The following RHCG variants were observed in gnomAD, a reference collection of about 807,000 sequenced individuals.
RHCG encodes Rh family C glycoprotein, also known as ammonium transporter Rh type C.
RHCG carries 39 observed loss-of-function variants against 55.3 expected under a neutral mutation model. That is an observed-to-expected ratio of 0.70 (90% CI 0.55 to 0.92). The LOEUF is 0.92. RHCG is among the 40% of genes least tolerant of loss of function. The pLI, the probability that RHCG is intolerant of heterozygous loss-of-function variation, is 0.00. For missense variants in RHCG, 635 were observed against 627.9 expected, an observed-to-expected ratio of 1.01 and a Z score of -0.12; for synonymous variants, 250 against 246.8, an observed-to-expected ratio of 1.01 and a Z score of -0.12.
Position 89,486,782 on chromosome 15 carries a change from G to T in RHCG, c.371+17C>A. On this transcript the variant is annotated intron_variant, in intron 2 of 10. Coordinates refer to ENST00000268122, the MANE Select transcript of RHCG (RefSeq NM_016321.3). ...CCTCCCAGTCCGCCACGCCCCCGGG[G>T]CCCGCCCTGCGCTCACTTCTCCACG... 6.4e-7 allele frequency: 1 copy of T among 1,573,328 alleles called. No homozygotes were observed. The highest frequency in any genetic ancestry group is 1.3e-5 in the African/African-American group (1 of 74,280).
In RHCG at chr15:89,477,181, C is replaced by T. The variant is rs770596441; in HGVS notation, c.1138G>A (p.Gly380Ser). The change falls in exon 8 of 11, where the codon GGT (glycine) becomes AGT (serine). Residue 380 changes from glycine to serine, a missense_variant. Coordinates refer to ENST00000268122, the MANE Select transcript of RHCG (RefSeq NM_016321.3). The surrounding 1 kb of genome is among the most constrained non-coding windows in gnomAD (Gnocchi z 4.5). ...CTTGCGGTCCAGTCCCCGTTGAAAC[C>T]TTGAAAGTCAAAGGAATGGACAAGC... ...EGLVHSFDFQ[G>S]FNGDWTARTQ... is the part of the protein sequence containing the mutation. 5.6e-6 allele frequency: 9 copies of T among 1,613,924 alleles called. No homozygotes were observed. The African/African-American group carries it at 1.1e-4, about 19-fold the overall frequency.
chr15:89,486,520 T>C (rs1186349686), intron 2 of RHCG: 1 of 506,778 alleles, frequency 2.0e-6, no homozygotes, highest in Non-Finnish European at 3.8e-6. Context: ...ACTCCCACCC[T>C]GGAGAATCGC....
chr15:89,480,313 C>G lies in RHCG; in HGVS notation c.618G>C (p.Gln206His), dbSNP rs1173272812. 9.3e-6 allele frequency: 15 copies of G among 1,614,228 alleles called. No individual in the cohort carries two copies. The highest frequency in any genetic ancestry group is 1.3e-5 in the Non-Finnish European group (15 of 1,180,038). Residue 206 changes from glutamine to histidine, a missense_variant, in exon 4 of 11, where the codon CAG becomes CAC. By Grantham distance (24) the Gln-to-His change is conservative (BLOSUM62 0). Transcript: ENST00000268122. ...TRILYRRNLE[Q>H]SKERQNSVYQ... ...ACACAGAATTCTGTCTCTCCTTGCT[C>G]TGCTCTAGGTTGCGTCGGTAGAGGA...
intron 9 of RHCG, among the ~76,000 whole-genome samples, chr15:89,473,095 T>A (rs1961070613): frequency 1.3e-5 from 2 of 152,132 alleles, no homozygotes; most frequent in African/African-American, 4.8e-5. Flanking sequence ...ACAGTGTCCT[T>A]GCCCCATGAG....
At chr15:89,489,464 T>G (rs952005253) in intron 1 of RHCG, among the ~76,000 whole-genome samples, 5 of 152,096 alleles carry the variant, frequency 3.3e-5, no homozygotes, top group Admixed American at 6.6e-5. Flanking sequence ...TTGAGCAACT[T>G]TTTGTAAATT....
Position 89,486,642 on chromosome 15 carries a change from G to GTA in RHCG, c.371+155_371+156dup, listed in dbSNP as rs1555462005. ...TGTGTGTGTGTGTGTGTGTGTGTGT[G>GTA]TATCTGTCTCGCAAGCCCAGTGTGG... On this transcript the variant is annotated intron_variant, in intron 2 of 10. Coordinates refer to ENST00000268122, the MANE Select transcript of RHCG (RefSeq NM_016321.3). 1,260 of 537,322 alleles carry GTA rather than the reference G, an allele frequency of 2.3e-3. 10 individuals carry two copies. Among genetic ancestry groups the GTA allele is most frequent in the African/African-American group, 8.2e-3 (415 of 50,350 alleles). The allele number at this position is 537,322 out of a possible 1,614,324, so 33.3% of individuals were successfully genotyped here.
At chr15:89,487,491 T>G (rs930142154) in intron 1 of RHCG, among the ~76,000 whole-genome samples, 1 of 152,136 alleles carries the variant, frequency 6.6e-6, no homozygotes, top group African/African-American at 2.4e-5. Flanking sequence ...GCAATCCTGT[T>G]CCTTTGCTGT....
chr15:89,496,532 T>A lies in RHCG; in HGVS notation c.13A>T (p.Thr5Ser). The A allele has an allele frequency of 6.2e-7, 1 of 1,612,464 alleles. No homozygotes were observed. Among genetic ancestry groups the A allele is most frequent in the Non-Finnish European group, 8.5e-7 (1 of 1,179,762 alleles). The change falls in exon 1 of 11, where the codon ACC becomes TCC. Residue 5 changes from threonine to serine, a missense_variant. Thr to Ser is a moderately conservative substitution (Grantham distance 58). Coordinates refer to ENST00000268122, the MANE Select transcript of RHCG (RefSeq NM_016321.3). The part of the protein sequence containing the change: MAWN[T>S]NLRWRLPLTC... Reference sequence around the variant, plus strand: ...AGCGGCAGCCGCCAGCGGAGGTTGGTGTTCCAGGCCATGCTGCAGGGGTGC... The same window carrying A: ...AGCGGCAGCCGCCAGCGGAGGTTGGAGTTCCAGGCCATGCTGCAGGGGTGC...
In RHCG at chr15:89,488,663, A is replaced by G. The variant is rs78896625; in HGVS notation, c.185-1678T>C. On this transcript the variant is annotated intron_variant, in intron 1 of 10. Transcript: ENST00000268122. ...GGGAAAGGCTGTATTCTTGAAAAGT[A>G]TCAGTCATAAAAGACCTTTGAAATG... Among the ~76,000 whole-genome samples the G allele has an allele frequency of 7.2e-3, 1,093 of 152,192 alleles. 19 individuals are homozygous for G. Among genetic ancestry groups the G allele is most frequent in the East Asian group, 0.042 (216 of 5,168 alleles).
intron 2 of RHCG, among the ~76,000 whole-genome samples, chr15:89,484,281 A>G (rs779012947): frequency 6.6e-6 from 1 of 152,162 alleles, no homozygotes; most frequent in Non-Finnish European, 1.5e-5. Context: ...TAAATGATCG[A>G]TGGCAGTTCC....
rs757244959 is a variant in RHCG at position 89,479,361 on chromosome 15, T to G, written c.798A>C (p.Ala266=). The change falls in exon 5 of 11, where the codon GCA becomes GCC. Residue 266 remains alanine (A), a synonymous_variant. Coordinates refer to ENST00000268122, the MANE Select transcript of RHCG (RefSeq NM_016321.3). ...CCTTCTTGTGCAGGGCACTGGATAT[T>G]GCCACCGAGGTAAGCACGCAGGCTG... ...SLAACVLTSV[A]ISSALHKKGK... is the part of the protein sequence containing the mutation. The G allele has an allele frequency of 6.2e-7, 1 of 1,614,162 alleles. No individual in the cohort carries two copies. Among genetic ancestry groups the G allele is most frequent in the South Asian group, 1.1e-5 (1 of 91,082 alleles).
chr15:89,473,779 A>G (rs965254714), intron 9 of RHCG, among the ~76,000 whole-genome samples: 10 of 152,180 alleles, frequency 6.6e-5, no homozygotes, highest in African/African-American at 2.2e-4. Flanking sequence ...CATCCCCGCA[A>G]GAGATCCTGT....
chr15:89,483,255 AGC>A, intron 2 of RHCG, 38 bp from the exon 3 acceptor site: 2 of 1,468,916 alleles, frequency 1.4e-6, no homozygotes, highest in Admixed American at 2.0e-5. Flanking sequence ...CTGGGGCAAT[AGC>A]AAAAAGTGGC....
intron 3 of RHCG, among the ~76,000 whole-genome samples, chr15:89,481,850 G>A (rs894256781): frequency 1.3e-5 from 2 of 152,100 alleles, no homozygotes; most frequent in African/African-American, 2.4e-5. Flanking sequence ...TGCCCAGGCT[G>A]GAGTGCAATG....
rs1456048802 is a variant in RHCG, at chr15:89,471,775, G to A, written c.*105C>T. 1 of 152,842 alleles carries A rather than the reference G, an allele frequency of 6.5e-6. No homozygotes were observed. The highest frequency in any genetic ancestry group is 2.4e-5 in the African/African-American group (1 of 41,450). The allele number at this position is 152,842 out of a possible 1,614,324, so 9.5% of individuals were successfully genotyped here. On this transcript the variant is annotated 3_prime_UTR_variant, in exon 11 of 11. Transcript: ENST00000268122. ...AGGCACCTTGAGGCCAAGCCAGCAG[G>A]TGGGGGTGCTGCTTGCTCACTCTTG...
chr15:89,486,591 AGAGAGAGAGT>A (rs1961367510), intron 2 of RHCG, 198 bp downstream of exon 2: 4 of 471,568 alleles, frequency 8.5e-6, no homozygotes, highest in Non-Finnish European at 1.6e-5. Flanking sequence ...AGAGAGAGAG[AGAGAGAGAGT>A]GTGTGTGTGT....
At chr15:89,482,091 C>T (rs1489425452) in intron 3 of RHCG, among the ~76,000 whole-genome samples, 3 of 151,984 alleles carry the variant, frequency 2.0e-5, no homozygotes, top group Non-Finnish European at 2.9e-5. Flanking sequence ...CGTGAGCCAC[C>T]GTGCTTGGCC....
intron 5 of RHCG, 51 bp downstream of exon 5, chr15:89,479,271 C>T: frequency 6.4e-7 from 1 of 1,570,950 alleles, no homozygotes; most frequent in Non-Finnish European, 8.6e-7. Flanking sequence ...GTGATCAGCG[C>T]CCTCCAGGCC....
rs144717674 is a variant in RHCG at position 89,485,880 on chromosome 15, T to C, written c.371+919A>G. Among the ~76,000 whole-genome samples, 596 of 152,250 alleles carry C rather than the reference T, an allele frequency of 3.9e-3. 8 individuals carry two copies. Among genetic ancestry groups the C allele is most frequent in the African/African-American group, 0.014 (562 of 41,542 alleles). ...TCATAAGTTGCCATGGGATAGAGAGTTTGATAAATGAGTCATTCAGTGAGC... is the reference window on the plus strand; with the variant it reads ...TCATAAGTTGCCATGGGATAGAGAGCTTGATAAATGAGTCATTCAGTGAGC... On this transcript the variant is annotated intron_variant, in intron 2 of 10. Transcript: ENST00000268122.
Sources: allele counts gnomAD v4.1 joint callset (sites outside exome capture counted in the v4.1 genomes callset), GRCh38; gene constraint gnomAD v4.1.1; non-coding constraint Gnocchi (gnomAD v3.1); transcripts MANE v1.5; gene names NCBI Gene and HGNC (gene_info 2026-07-23, HGNC 2026-07-21).